The following EYS variants were observed in gnomAD, a reference collection of about 807,000 sequenced individuals.
EYS encodes the protein EGF-like photoreceptor maintenance factor.
EYS carries 250 observed loss-of-function variants against 282.1 expected under a neutral mutation model. The observed-to-expected ratio is 0.89, with a 90% CI of 0.80 to 0.98. The LOEUF (loss-of-function observed/expected upper bound fraction) is 0.98, where lower values mean the gene tolerates loss of function less well. EYS is among the 50% of genes least tolerant of loss of function. The probability of loss-of-function intolerance (pLI) is 0.00; values close to 1 mark genes in which losing one functional copy is unlikely to be tolerated. For synonymous variants in EYS, 1,355 were observed against 1,282.9 expected (o/e 1.06, Z -1.20); for missense variants, 4,016 against 3,709.0 (o/e 1.08, Z -2.15).
chr6:65,117,113 T>G (rs1231060829), intron 12 of EYS, among the ~76,000 whole-genome samples: 2 of 152,196 alleles, frequency 1.3e-5, no homozygotes, highest in African/African-American at 4.8e-5. Context: ...AACTCTCCTG[T>G]GTTCTCTTCT....
intron 2 of EYS, among the ~76,000 whole-genome samples, chr6:65,605,761 T>C (rs1276749503): frequency 6.6e-6 from 1 of 151,818 alleles, no homozygotes; most frequent in Non-Finnish European, 1.5e-5. Flanking sequence ...CCACACTTTT[T>C]TGAGTGAAAA....
At chr6:65,682,192 A>G (rs1768848912) in intron 1 of EYS, among the ~76,000 whole-genome samples, 1 of 151,900 alleles carries the variant, frequency 6.6e-6, no homozygotes, top group Non-Finnish European at 1.5e-5. Flanking sequence ...CTTGGGAGCA[A>G]TGAAGAGTGG....
intron 22 of EYS, among the ~76,000 whole-genome samples, chr6:64,783,680 T>G (rs1231317045): frequency 6.6e-6 from 1 of 152,166 alleles, no homozygotes; most frequent in African/African-American, 2.4e-5. Flanking sequence ...AAAATACACA[T>G]GTATAGTCAA....
intron 22 of EYS, among the ~76,000 whole-genome samples, chr6:64,661,476 G>T (rs1470876944): frequency 6.6e-6 from 1 of 152,114 alleles, no homozygotes; most frequent in African/African-American, 2.4e-5. Context: ...GAAAATTTTT[G>T]CAATCTACTC....
At chr6:64,620,792 T>G (rs1385182683) in intron 23 of EYS, among the ~76,000 whole-genome samples, 1 of 152,164 alleles carries the variant, frequency 6.6e-6, no homozygotes, top group Non-Finnish European at 1.5e-5. Context: ...TAACCAAATA[T>G]TCAGAAAATA....
At chr6:65,324,164 C>T (rs1769554063) in intron 11 of EYS, among the ~76,000 whole-genome samples, 1 of 151,864 alleles carries the variant, frequency 6.6e-6, no homozygotes, top group Non-Finnish European at 1.5e-5. Context: ...TCCCAGCTTT[C>T]TTTATCAATT....
chr6:64,225,229 C>T (rs1223588352), intron 31 of EYS, among the ~76,000 whole-genome samples: 1 of 152,108 alleles, frequency 6.6e-6, no homozygotes, highest in Non-Finnish European at 1.5e-5. Flanking sequence ...CAATAGGTTT[C>T]CTTTTTCGTG....
chr6:64,063,141 AT>A (rs1172528747), intron 33 of EYS, among the ~76,000 whole-genome samples: 4 of 152,004 alleles, frequency 2.6e-5, no homozygotes, highest in Admixed American at 6.6e-5. Context: ...ATTCTAGGCA[AT>A]TTTTTTCTAC....
chr6:65,022,695 A>G (rs1772284728), intron 13 of EYS, among the ~76,000 whole-genome samples: 1 of 149,024 alleles, frequency 6.7e-6, no homozygotes, highest in South Asian at 2.1e-4. Context: ...ATATTAATAT[A>G]TATTATTTTT....
intron 11 of EYS, among the ~76,000 whole-genome samples, chr6:65,334,109 A>C (rs2150312947): frequency 6.6e-6 from 1 of 151,806 alleles, no homozygotes; most frequent in East Asian, 1.9e-4. Flanking sequence ...ACTTTATTTA[A>C]ATATTTTTGA....
intron 12 of EYS, among the ~76,000 whole-genome samples, chr6:65,071,012 T>A (rs185771503): frequency 6.6e-6 from 1 of 152,054 alleles, no homozygotes; most frequent in Admixed American, 6.6e-5. Flanking sequence ...TTACGGTTAA[T>A]ATGACATTTA....
At position 64,196,884 on chromosome 6, in the gene EYS, TAAAGTA is replaced by T. The variant is rs572514955; in HGVS notation, c.6424+33702_6424+33707del. Among the ~76,000 whole-genome samples, 143 of 152,192 alleles carry T rather than the reference TAAAGTA, an allele frequency of 9.4e-4. 2 individuals carry two copies. The South Asian group carries it at 0.028, about 30-fold the overall frequency. On this transcript the variant is annotated intron_variant, in intron 31 of 42. Transcript: ENST00000503581. ...CATTGTGCACATGTACCCTAAAACT[TAAAGTA>T]TAATAATAATTTAAAAAAATTGTAA...
Position 63,720,051 on chromosome 6 carries a change from T to C in EYS, c.*545A>G, listed in dbSNP as rs574001545. The C allele has an allele frequency of 1.3e-5, 2 of 152,904 alleles. No individual in the cohort carries two copies. Among genetic ancestry groups the C allele is most frequent in the East Asian group, 1.9e-4 (1 of 5,202 alleles). 9.5% of individuals were successfully genotyped at this position (152,904 alleles called of 1,614,324 possible). A position where few individuals can be genotyped will look rare whatever the true frequency, so the allele number is the denominator to read the frequency against. On this transcript the variant is annotated 3_prime_UTR_variant, in exon 43 of 43. Transcript: ENST00000503581. Reference sequence around the variant, plus strand: ...ACCTTCTCTTTCTACATTCATGCAATAATTTTTGGTTTAAATCTATGTTCA... The same window carrying C: ...ACCTTCTCTTTCTACATTCATGCAACAATTTTTGGTTTAAATCTATGTTCA...
intron 11 of EYS, among the ~76,000 whole-genome samples, chr6:65,313,133 G>A (rs1274288479): frequency 1.3e-5 from 2 of 152,074 alleles, no homozygotes; most frequent in Non-Finnish European, 2.9e-5. Context: ...CTATTCCCTG[G>A]GGGATATTTT....
intron 13 of EYS, among the ~76,000 whole-genome samples, chr6:65,055,120 C>T (rs767868331): frequency 2.6e-5 from 4 of 151,884 alleles, no homozygotes; most frequent in Non-Finnish European, 5.9e-5. Context: ...TAGCTAGGAC[C>T]ACAAGCATGC....
chr6:64,816,113 C>T (rs537085774), intron 21 of EYS, among the ~76,000 whole-genome samples: 1 of 152,074 alleles, frequency 6.6e-6, no homozygotes, highest in African/African-American at 2.4e-5. Flanking sequence ...GGAATACTTT[C>T]CTCAATTAAG....
chr6:64,997,555 G>T (rs898231062), intron 14 of EYS, 27 bp downstream of exon 14: 1 of 1,546,670 alleles, frequency 6.5e-7, no homozygotes, highest in Non-Finnish European at 8.7e-7. Context: ...CCACATTTAG[G>T]TATATAAAAA....
At chr6:65,324,788 A>T (rs1769574025) in intron 11 of EYS, among the ~76,000 whole-genome samples, 1 of 152,218 alleles carries the variant, frequency 6.6e-6, no homozygotes, top group Non-Finnish European at 1.5e-5. Context: ...TATCATTTTT[A>T]AAATGAAATT....
At chr6:65,632,174 G>A (rs900900150) in intron 2 of EYS, among the ~76,000 whole-genome samples, 16 of 152,246 alleles carry the variant, frequency 1.1e-4, no homozygotes, top group African/African-American at 3.9e-4. Context: ...GAGCTCATGA[G>A]GAGTTTATGA....
Sources: allele counts gnomAD v4.1 joint callset (sites outside exome capture counted in the v4.1 genomes callset), GRCh38; gene constraint gnomAD v4.1.1; transcripts MANE v1.5; gene names NCBI Gene and HGNC (gene_info 2026-07-23, HGNC 2026-07-21).